Variants in MSRA observed in about 807,000 individuals in gnomAD.
MSRA encodes the protein methionine sulfoxide reductase A, also known as mitochondrial peptide methionine sulfoxide reductase.
MSRA carries 54 observed loss-of-function variants against 31.3 expected under a neutral mutation model. The ratio of observed to expected loss-of-function variants is 1.73; its 90% confidence interval spans 1.39 to 2.17. MSRA has a LOEUF of 2.17. Ranked by LOEUF, MSRA falls within the 30% of genes most tolerant of loss-of-function variation. MSRA has a pLI of 0.00. For missense variants in MSRA, 507 were observed against 300.9 expected (o/e 1.69, Z -5.07); for synonymous variants, 169 against 116.5 (o/e 1.45, Z -2.90).
At chr8:10,210,328 T>C (rs188373962) in intron 2 of MSRA, among the ~76,000 whole-genome samples, 1 of 152,294 alleles carries the variant, frequency 6.6e-6, no homozygotes, top group African/African-American at 2.4e-5. Flanking sequence ...TCTATGTTCT[T>C]GTTGTGATGT....
At chr8:10,263,428 C>T (rs1337050609) in intron 3 of MSRA, among the ~76,000 whole-genome samples, 1 of 152,172 alleles carries the variant, frequency 6.6e-6, no homozygotes, top group Non-Finnish European at 1.5e-5. Flanking sequence ...TACATCATTC[C>T]AGGAAGGTAT....
intron 3 of MSRA, among the ~76,000 whole-genome samples, chr8:10,296,183 G>C (rs1211166032): frequency 1.3e-5 from 2 of 152,190 alleles, no homozygotes; most frequent in Non-Finnish European, 2.9e-5. Context: ...ACACAACTGA[G>C]ACTTCTAGAA....
intron 5 of MSRA, among the ~76,000 whole-genome samples, chr8:10,389,485 A>G (rs1000313790): frequency 9.2e-5 from 14 of 152,240 alleles, no homozygotes; most frequent in African/African-American, 3.1e-4. Context: ...CTGCCATCCA[A>G]TTACAAGTTT....
chr8:10,107,543 T>G (rs1241179653), intron 1 of MSRA, among the ~76,000 whole-genome samples: 1 of 152,208 alleles, frequency 6.6e-6, no homozygotes, highest in Non-Finnish European at 1.5e-5. Flanking sequence ...CTTCTAATGC[T>G]TTTCAATAAC....
chr8:10,283,135 C>CAA, intron 3 of MSRA, among the ~76,000 whole-genome samples: 1 of 138,152 alleles, frequency 7.2e-6, no homozygotes, highest in Non-Finnish European at 1.6e-5. Context: ...ACATTACACA[C>CAA]ACACACACAC....
chr8:10,297,768 T>G (rs1800621889), intron 3 of MSRA, among the ~76,000 whole-genome samples: 1 of 152,208 alleles, frequency 6.6e-6, no homozygotes, highest in African/African-American at 2.4e-5. Context: ...CCAAGCTTCT[T>G]TAAACCTCTC....
At chr8:10,165,940 T>C (rs1428668623) in intron 1 of MSRA, among the ~76,000 whole-genome samples, 1 of 152,212 alleles carries the variant, frequency 6.6e-6, no homozygotes, top group African/African-American at 2.4e-5. Flanking sequence ...CCAAGCAGAC[T>C]GGCCTGGTCC....
intron 4 of MSRA, among the ~76,000 whole-genome samples, chr8:10,303,912 C>A (rs1252090829): frequency 6.6e-6 from 1 of 152,092 alleles, no homozygotes; most frequent in Non-Finnish European, 1.5e-5. Flanking sequence ...TGCCAGGTGC[C>A]CTTTTATTTT....
At chr8:10,422,498 G>A (rs940462384) in intron 5 of MSRA, among the ~76,000 whole-genome samples, 2 of 152,174 alleles carry the variant, frequency 1.3e-5, no homozygotes, top group African/African-American at 4.8e-5. Context: ...TCTGTTAGGT[G>A]ACCTTCCAGA....
intron 1 of MSRA, among the ~76,000 whole-genome samples, chr8:10,101,467 G>T (rs1799524109): frequency 1.3e-5 from 2 of 152,074 alleles, no homozygotes; most frequent in Non-Finnish European, 2.9e-5. Context: ...CCGTCATCAA[G>T]CCACAGAAGT....
intron 5 of MSRA, among the ~76,000 whole-genome samples, chr8:10,405,312 G>T (rs1807736092): frequency 6.6e-6 from 1 of 152,008 alleles, no homozygotes; most frequent in Non-Finnish European, 1.5e-5. Context: ...CGCCCTGCCG[G>T]AGCACCTGCC....
intron 1 of MSRA, among the ~76,000 whole-genome samples, chr8:10,056,391 A>G (rs1222708980): frequency 1.3e-5 from 2 of 152,034 alleles, no homozygotes; most frequent in South Asian, 2.1e-4. Context: ...TGAGCCAACA[A>G]TTTTTTTCTT....
At chr8:10,418,815 T>TAAAAA (rs71203323) in intron 5 of MSRA, among the ~76,000 whole-genome samples, 1,959 of 65,498 alleles carry the variant, frequency 0.03, 108 homozygotes, top group East Asian at 0.13. Flanking sequence ...TTACTACGAC[T>TAAAAA]AAAAAAAAAA....
chr8:10,404,791 C>T (rs371229379), intron 5 of MSRA, among the ~76,000 whole-genome samples: 1 of 152,228 alleles, frequency 6.6e-6, no homozygotes, highest in Non-Finnish European at 1.5e-5. Flanking sequence ...GGCCACCCAC[C>T]TCACTGGGAC....
chr8:10,072,623 C>A (rs925711879), intron 1 of MSRA, among the ~76,000 whole-genome samples: 1 of 152,160 alleles, frequency 6.6e-6, no homozygotes. Flanking sequence ...AAATAAACAT[C>A]AGAATAAACT....
intron 1 of MSRA, among the ~76,000 whole-genome samples, chr8:10,201,575 A>G (rs1022582918): frequency 1.3e-5 from 2 of 152,158 alleles, no homozygotes; most frequent in African/African-American, 2.4e-5. Flanking sequence ...TTTATGCCTG[A>G]TTTTGCATTA....
chr8:10,224,746 C>A (rs1316919231), intron 2 of MSRA, among the ~76,000 whole-genome samples: 1 of 152,216 alleles, frequency 6.6e-6, no homozygotes, highest in African/African-American at 2.4e-5. Context: ...CATATCATTC[C>A]TTTGCTGGGG....
At chr8:10,080,617 C>A (rs1023923322) in intron 1 of MSRA, among the ~76,000 whole-genome samples, 2 of 151,840 alleles carry the variant, frequency 1.3e-5, no homozygotes, top group African/African-American at 4.8e-5. Context: ...CCTTGAACTT[C>A]TGGGCTCACG....
At chr8:10,303,080 A>G (rs1359961183) in intron 4 of MSRA, among the ~76,000 whole-genome samples, 5 of 152,236 alleles carry the variant, frequency 3.3e-5, no homozygotes, top group African/African-American at 1.2e-4. Context: ...TTGACTGTCA[A>G]AGTCAAGGGT....
Sources: allele counts gnomAD v4.1 joint callset (sites outside exome capture counted in the v4.1 genomes callset), GRCh38; gene constraint gnomAD v4.1.1; transcripts MANE v1.5; gene names NCBI Gene and HGNC (gene_info 2026-07-23, HGNC 2026-07-21).